The following SUMF1 variants were observed in gnomAD, a reference collection of about 807,000 sequenced individuals.
The protein encoded by SUMF1 is sulfatase modifying factor 1, also known as formylglycine-generating enzyme.
SUMF1 carries 48 observed loss-of-function variants against 47.6 expected under a neutral mutation model. That is an observed-to-expected ratio of 1.01 (90% CI 0.80 to 1.28). The LOEUF (loss-of-function observed/expected upper bound fraction) is 1.28. SUMF1 is among the 50% of genes most tolerant of loss of function. The probability of loss-of-function intolerance (pLI) is 0.00; values close to 1 mark genes in which losing one functional copy is unlikely to be tolerated. For synonymous variants in SUMF1, 230 were observed against 192.1 expected (o/e 1.20, Z -1.63); for missense variants, 571 against 485.4 (o/e 1.18, Z -1.66).
intron 8 of SUMF1, among the ~76,000 whole-genome samples, chr3:4,175,141 A>T (rs1002706953): frequency 1.3e-5 from 2 of 152,200 alleles, no homozygotes; most frequent in African/African-American, 4.8e-5. Flanking sequence ...ACTTCTGCAG[A>T]TTTAAACGTC....
intron 8 of SUMF1, among the ~76,000 whole-genome samples, chr3:4,326,684 A>T (rs563954765): frequency 1.2e-4 from 18 of 151,446 alleles, no homozygotes; most frequent in African/African-American, 4.4e-4. Context: ...TAACCAGATA[A>T]TTTTTTTTGT....
chr3:4,317,046 C>CT, intron 8 of SUMF1: 1 of 1,549,346 alleles, frequency 6.5e-7, no homozygotes, highest in Non-Finnish European at 8.7e-7. Context: ...TTCACCTGAC[C>CT]TCTTGCCAAC....
In SUMF1 at chr3:4,132,263, C is replaced by A. The variant is rs192281778; in HGVS notation, c.1015-63518G>T. Among the ~76,000 whole-genome samples the A allele has an allele frequency of 4.6e-5, 7 of 152,286 alleles. No individual in the cohort carries two copies. In the South Asian group the frequency reaches 1.5e-3, roughly 32 times the overall value. On this transcript the variant is annotated intron_variant and NMD_transcript_variant, in intron 8 of 12. Transcript: ENST00000448413. ...CACACAGCATTGTCTCTGACCAAGGCACTCACTTTATGGCTAAAGAAGTGC... is the reference window on the plus strand; with the variant it reads ...CACACAGCATTGTCTCTGACCAAGGAACTCACTTTATGGCTAAAGAAGTGC...
At chr3:4,179,291 C>T (rs1438228812) in intron 8 of SUMF1, among the ~76,000 whole-genome samples, 2 of 152,124 alleles carry the variant, frequency 1.3e-5, no homozygotes, top group Non-Finnish European at 2.9e-5. Context: ...AACTATACTA[C>T]AAGGCTTCAG....
chr3:4,421,259 T>C (rs187800034), intron 3 of SUMF1, among the ~76,000 whole-genome samples: 14 of 152,278 alleles, frequency 9.2e-5, no homozygotes, highest in Admixed American at 8.5e-4. Flanking sequence ...TGTTTTCTCA[T>C]GTGGGGATAC....
chr3:4,273,510 C>T (rs1047001894), intron 8 of SUMF1, among the ~76,000 whole-genome samples: 2 of 151,576 alleles, frequency 1.3e-5, no homozygotes, highest in African/African-American at 4.9e-5. Context: ...AGGCTGAAGG[C>T]GGAAACAGAG....
At chr3:4,423,253 T>A (rs1419321564) in intron 3 of SUMF1, among the ~76,000 whole-genome samples, 4 of 145,838 alleles carry the variant, frequency 2.7e-5, no homozygotes, top group African/African-American at 1.0e-4. Flanking sequence ...TGCCCACCAA[T>A]CAACAAGTGA....
At chr3:4,403,504 G>A (rs769838264) in intron 7 of SUMF1, among the ~76,000 whole-genome samples, 7 of 152,174 alleles carry the variant, frequency 4.6e-5, no homozygotes, top group Non-Finnish European at 1.0e-4. Flanking sequence ...TATCCCAGGT[G>A]CAGCAGAAGA....
chr3:4,463,301 C>T (rs894229764), intron 1 of SUMF1, among the ~76,000 whole-genome samples: 1 of 152,094 alleles, frequency 6.6e-6, no homozygotes, highest in Non-Finnish European at 1.5e-5. Flanking sequence ...ACAATCCTGG[C>T]CAACGTGGTA....
At chr3:4,323,583 G>A (rs1232320633) in intron 8 of SUMF1, among the ~76,000 whole-genome samples, 3 of 152,058 alleles carry the variant, frequency 2.0e-5, no homozygotes, top group Non-Finnish European at 4.4e-5. Flanking sequence ...GGAAGGAAGA[G>A]GAGAAAGAGA....
intron 8 of SUMF1, among the ~76,000 whole-genome samples, chr3:4,157,945 G>A (rs1246624719): frequency 6.7e-6 from 1 of 149,776 alleles, no homozygotes; most frequent in Non-Finnish European, 1.5e-5. Flanking sequence ...CTCTGGGTCT[G>A]GCAGCGCTGC....
At chr3:4,449,542 C>T (rs1029601792) in intron 2 of SUMF1, among the ~76,000 whole-genome samples, 4 of 152,188 alleles carry the variant, frequency 2.6e-5, no homozygotes, top group Non-Finnish European at 5.9e-5. Context: ...AGACCATTTT[C>T]GTTTAAGACT....
chr3:4,402,507 G>A (rs1701244479), intron 7 of SUMF1, among the ~76,000 whole-genome samples: 1 of 152,218 alleles, frequency 6.6e-6, no homozygotes, highest in African/African-American at 2.4e-5. Context: ...TGTATCCCAA[G>A]AGTAGATATA....
chr3:4,378,710 C>G (rs1700404667), intron 7 of SUMF1, among the ~76,000 whole-genome samples: 1 of 152,102 alleles, frequency 6.6e-6, no homozygotes, highest in Admixed American at 6.6e-5. Flanking sequence ...AATTGTGGAA[C>G]TCTCCCATGT....
At chr3:4,277,136 A>G (rs1697436720) in intron 8 of SUMF1, among the ~76,000 whole-genome samples, 1 of 152,066 alleles carries the variant, frequency 6.6e-6, no homozygotes, top group African/African-American at 2.4e-5. Context: ...CAATCCCCCA[A>G]TCCCTAAACA....
At chr3:4,466,342 C>T (rs2079945748) in intron 1 of SUMF1, among the ~76,000 whole-genome samples, 1 of 152,086 alleles carries the variant, frequency 6.6e-6, no homozygotes, top group Admixed American at 6.5e-5. Flanking sequence ...GAACTCCTGA[C>T]CTCGTGATCC....
chr3:4,418,720 CA>C (rs1243390762), intron 4 of SUMF1, among the ~76,000 whole-genome samples: 15 of 152,338 alleles, frequency 9.8e-5, no homozygotes, highest in Admixed American at 9.8e-4. Context: ...AACTCTGTTT[CA>C]GCCTCTGTTT....
chr3:4,390,375 C>T (rs750610424), intron 7 of SUMF1, among the ~76,000 whole-genome samples: 18 of 152,192 alleles, frequency 1.2e-4, no homozygotes, highest in Non-Finnish European at 2.1e-4. Flanking sequence ...CTAGACTCCC[C>T]ACTCAGCCTT....
At chr3:4,056,203 A>G (rs1428716447) in intron 9 of SUMF1, among the ~76,000 whole-genome samples, 1 of 152,164 alleles carries the variant, frequency 6.6e-6, no homozygotes, top group Non-Finnish European at 1.5e-5. Flanking sequence ...TTTAGGGACC[A>G]TTATTCTGCC....
Sources: allele counts gnomAD v4.1 joint callset (sites outside exome capture counted in the v4.1 genomes callset), GRCh38; gene constraint gnomAD v4.1.1; transcripts MANE v1.5; gene names NCBI Gene and HGNC (gene_info 2026-07-23, HGNC 2026-07-21).